Variants in PCDHA11 observed in about 807,000 individuals in gnomAD.
PCDHA11 encodes protocadherin alpha-11.
PCDHA11 carries 61 observed loss-of-function variants against 70.3 expected under a neutral mutation model. The observed-to-expected ratio is 0.87, with a 90% confidence interval of 0.71 to 1.07. The LOEUF (loss-of-function observed/expected upper bound fraction) is 1.07. Among genes scored for constraint, PCDHA11 ranks in the 50% least tolerant of loss-of-function variants. The probability of loss-of-function intolerance (pLI) is 0.00; values close to 1 mark genes in which losing one functional copy is unlikely to be tolerated. For synonymous variants in PCDHA11, 633 were observed against 555.1 expected (o/e 1.14, Z -1.97); for missense variants, 1,324 against 1,237.5 (o/e 1.07, Z -1.05).
Position 140,956,288 on chromosome 5 carries a change from C to A in PCDHA11, c.2392-22661C>A, listed in dbSNP as rs115259112. The stretch of plus-strand genomic sequence containing the variant: ...AGTGTGGTATTGGCTGTGGGTTTAT[C>A]ATATATATGGCTCTTATTATTTTGA... On this transcript the variant is annotated intron_variant, in intron 1 of 3. Transcript: ENST00000398640. Among the ~76,000 whole-genome samples, 994 of 152,174 alleles carry A rather than the reference C, an allele frequency of 6.5e-3. 6 individuals carry two copies. Among genetic ancestry groups the A allele is most frequent in the African/African-American group, 0.022 (916 of 41,532 alleles).
chr5:140,879,948 C>T (rs1025902128), intron 1 of PCDHA11, among the ~76,000 whole-genome samples: 1 of 152,168 alleles, frequency 6.6e-6, no homozygotes, highest in Non-Finnish European at 1.5e-5. Context: ...ATTTAGGGCC[C>T]ATCTGGATAA....
intron 1 of PCDHA11, among the ~76,000 whole-genome samples, chr5:140,909,749 C>T (rs141984152): frequency 6.6e-6 from 1 of 152,114 alleles, no homozygotes; most frequent in African/African-American, 2.4e-5. Context: ...GGGGAAATGA[C>T]CACAGGATGA....
At chr5:140,969,593 T>C (rs2153780223) in intron 1 of PCDHA11, 1 of 829,524 alleles carries the variant, frequency 1.2e-6, no homozygotes, top group Non-Finnish European at 1.8e-6. Context: ...AGTCTTAATA[T>C]TTAATGCTAA....
chr5:140,946,959 A>C (rs918204180), intron 1 of PCDHA11, among the ~76,000 whole-genome samples: 2 of 151,664 alleles, frequency 1.3e-5, no homozygotes, highest in Non-Finnish European at 3.0e-5. Context: ...GTATATTTCA[A>C]AATATTATAG....
chr5:140,981,673 C>T (rs1184909774), intron 2 of PCDHA11, among the ~76,000 whole-genome samples: 1 of 152,108 alleles, frequency 6.6e-6, no homozygotes, highest in African/African-American at 2.4e-5. Flanking sequence ...TTCCTTTCTT[C>T]CTTCCTCCCT....
Position 140,968,523 on chromosome 5 carries a change from A to T in PCDHA11, c.2392-10426A>T, listed in dbSNP as rs1441549667. ...CACATTCTGTACCCTACCTCAACCA[A>T]CTCGTCAGCAGCCTTCGAGATGGTG... On this transcript the variant is annotated intron_variant, in intron 1 of 3. Coordinates refer to ENST00000398640, the MANE Select transcript of PCDHA11 (RefSeq NM_018902.5). The T allele has an allele frequency of 1.3e-5, 21 of 1,613,762 alleles. No individual in the cohort carries two copies. Among genetic ancestry groups the T allele is most frequent in the Non-Finnish European group, 1.8e-5 (21 of 1,179,980 alleles).
intron 1 of PCDHA11, among the ~76,000 whole-genome samples, chr5:140,917,535 T>C (rs2078248743): frequency 3.3e-5 from 5 of 152,278 alleles, no homozygotes; most frequent in South Asian, 4.1e-4. Flanking sequence ...TTGTATAGTT[T>C]TAGGTTTTAC....
intron 1 of PCDHA11, among the ~76,000 whole-genome samples, chr5:140,949,632 T>C (rs932981591): frequency 2.6e-5 from 4 of 151,894 alleles, no homozygotes; most frequent in Non-Finnish European, 5.9e-5. Flanking sequence ...TCATGGCATA[T>C]TGCTTTTTGT....
chr5:141,008,766 A>G (rs2098390228), intron 3 of PCDHA11, among the ~76,000 whole-genome samples: 1 of 152,246 alleles, frequency 6.6e-6, no homozygotes, highest in Non-Finnish European at 1.5e-5. Context: ...TTTGGCTTGG[A>G]AAGTAAAATT....
chr5:140,994,911 A>C (rs527704488), intron 3 of PCDHA11, among the ~76,000 whole-genome samples: 4 of 152,222 alleles, frequency 2.6e-5, no homozygotes, highest in African/African-American at 9.6e-5. Flanking sequence ...TGTAGACTGG[A>C]ATCAGATTTT....
intron 1 of PCDHA11, among the ~76,000 whole-genome samples, chr5:140,960,004 A>C (rs2095521827): frequency 6.6e-6 from 1 of 152,216 alleles, no homozygotes; most frequent in Non-Finnish European, 1.5e-5. Context: ...ATACAAATCT[A>C]TTTTGCATCA....
At chr5:140,980,354 G>A (rs1387213682) in intron 2 of PCDHA11, among the ~76,000 whole-genome samples, 1 of 152,138 alleles carries the variant, frequency 6.6e-6, no homozygotes, top group Non-Finnish European at 1.5e-5. Flanking sequence ...TTCCTGGACT[G>A]GGCGCGGTGG....
chr5:140,879,010 G>T (rs2057809352), intron 1 of PCDHA11, among the ~76,000 whole-genome samples: 1 of 152,200 alleles, frequency 6.6e-6, no homozygotes, highest in African/African-American at 2.4e-5. Context: ...CTAGAAATCA[G>T]ATAATGTTTT....
At position 140,869,859 on chromosome 5, in the gene PCDHA11, G is replaced by A. The variant is rs1368092611; in HGVS notation, c.756G>A (p.Met252Ile). 4 of 1,610,412 alleles carry A rather than the reference G, an allele frequency of 2.5e-6. No homozygotes were observed. In the East Asian group the frequency reaches 8.9e-5, roughly 36 times the overall value. The stretch of plus-strand genomic sequence containing the variant: ...AATCAGAATATAAGGTGAGCCTTAT[G>A]GAAAATGCTGCTAAAGAAACTCTTG... ...FDKSEYKVSL[M>I]ENAAKETLVL... The change falls in exon 1 of 4, where the codon ATG (methionine) becomes ATA (isoleucine). Residue 252 changes from methionine (M) to isoleucine (I), a missense_variant. Coordinates refer to ENST00000398640, the MANE Select transcript of PCDHA11 (RefSeq NM_018902.5).
chr5:140,979,088 A>G, intron 2 of PCDHA11, 81 bp downstream of exon 2: 1 of 1,559,594 alleles, frequency 6.4e-7, no homozygotes, highest in Non-Finnish European at 8.7e-7. Flanking sequence ...ATAGGCCAGA[A>G]GCAGCTGTCA....
chr5:140,879,578 A>G (rs1298190690), intron 1 of PCDHA11, among the ~76,000 whole-genome samples: 4 of 152,244 alleles, frequency 2.6e-5, no homozygotes, highest in African/African-American at 9.6e-5. Context: ...AATTGCCAAG[A>G]CAGACATTGA....
rs150518215 is a variant in PCDHA11, at chr5:140,883,444, T to G, written c.2391+11950T>G. On this transcript the variant is annotated intron_variant, in intron 1 of 3. Transcript: ENST00000398640. ...AGGTCACCTGCACCTTGACGCCGCATGTCCCCTTCAAGCTGGTGTCCACCT... is the reference window on the plus strand; with the variant it reads ...AGGTCACCTGCACCTTGACGCCGCAGGTCCCCTTCAAGCTGGTGTCCACCT... The G allele has an allele frequency of 2.5e-6, 4 of 1,614,052 alleles. No individual in the cohort carries two copies. In the African/African-American group the frequency reaches 4.0e-5, roughly 16 times the overall value.
chr5:140,991,149 C>T (rs2097435018), intron 3 of PCDHA11, among the ~76,000 whole-genome samples: 1 of 152,092 alleles, frequency 6.6e-6, no homozygotes, highest in South Asian at 2.1e-4. Flanking sequence ...GTTTTTTGCT[C>T]ACCATTGTAT....
intron 1 of PCDHA11, chr5:140,881,522 A>G: frequency 5.1e-6 from 1 of 196,850 alleles, no homozygotes; most frequent in South Asian, 1.8e-4. Context: ...AAAATCCCAC[A>G]CATATTGACT....
Sources: allele counts gnomAD v4.1 joint callset (sites outside exome capture counted in the v4.1 genomes callset), GRCh38; gene constraint gnomAD v4.1.1; transcripts MANE v1.5; gene names NCBI Gene and HGNC (gene_info 2026-07-23, HGNC 2026-07-21).